The following PTCSC3 variants were observed in gnomAD, a reference collection of about 807,000 sequenced individuals.
PTCSC3 encodes the protein papillary thyroid carcinoma susceptibility candidate 3, also known as papillary thyroid carcinoma susceptibility candidate 3 (non-protein coding).
chr14:36,143,610 C>T (rs1881480031), intron 3 of PTCSC3, among the ~76,000 whole-genome samples: 1 of 149,038 alleles, frequency 6.7e-6, no homozygotes, highest in East Asian at 2.0e-4. Flanking sequence ...CTGTAGGTTG[C>T]CTGTTCACTC....
At chr14:36,153,819 C>T in exon 3 of PTCSC3, 1 of 152,008 alleles carries the variant, frequency 6.6e-6, no homozygotes, top group East Asian at 1.9e-4. Context: ...ATTCCAGTGC[C>T]TTGGGAGGCC....
rs1432807173 is a variant in PTCSC3, at chr14:36,157,616, C to A, written n.232-3722G>T. ...GTTTCAGTTTTCTGCGTATGGCTAG[C>A]CAGTTTTCCCAACACCATTTATTAA... is the stretch of plus-strand genomic sequence containing the variant. On this transcript the variant is annotated intron_variant and non_coding_transcript_variant, in intron 2 of 3. Transcript: ENST00000556013. Among the ~76,000 whole-genome samples, 5 of 152,214 alleles carry A rather than the reference C, an allele frequency of 3.3e-5. No homozygotes were observed. In the East Asian group the frequency reaches 5.8e-4, roughly 18 times the overall value.
At chr14:36,166,887 C>T (rs951938112) in intron 1 of PTCSC3, among the ~76,000 whole-genome samples, 6 of 152,176 alleles carry the variant, frequency 3.9e-5, no homozygotes, top group African/African-American at 1.4e-4. Context: ...GTTAAAAGTG[C>T]AGTTCTCCTA....
Position 36,163,475 on chromosome 14 carries a change from G to GAGGGAGGGAGGAAGAA in PTCSC3, n.172-808_172-793dup, listed in dbSNP as rs373113224. On this transcript the variant is annotated intron_variant and non_coding_transcript_variant, in intron 1 of 3. Coordinates refer to ENST00000556013, the Ensembl canonical transcript of PTCSC3. ...TAAGGAACTAAAGAAAGGAAGGAGA[G>GAGGGAGGGAGGAAGAA]AGGGAGGGAGGAAGAAAGGAAGGGA... 2.3e-3 allele frequency among the ~76,000 whole-genome samples: 350 copies of GAGGGAGGGAGGAAGAA among 152,046 alleles called. 3 individuals are homozygous for GAGGGAGGGAGGAAGAA. The highest frequency in any genetic ancestry group is 7.9e-3 in the African/African-American group (329 of 41,458).
In PTCSC3 at chr14:36,165,081, T is replaced by G. The variant is rs145696450; in HGVS notation, n.172-2398A>C. On this transcript the variant is annotated intron_variant and non_coding_transcript_variant, in intron 1 of 3. Transcript: ENST00000556013. ...AGAGCCGCAGTGGTCCATTGACTAC[T>G]TCTCACAGCTGACGAGTGAATATTC... is the stretch of plus-strand genomic sequence containing the variant. The G allele has an allele frequency of 9.1e-3, 1,393 of 152,454 alleles. 49 individuals carry two copies. The highest frequency in any genetic ancestry group is 0.068 in the Admixed American group (1,036 of 15,294). 9.4% of individuals were successfully genotyped at this position (152,454 alleles called of 1,614,324 possible).
chr14:36,170,622 G>A (rs552117002), intron 1 of PTCSC3, among the ~76,000 whole-genome samples: 25 of 152,112 alleles, frequency 1.6e-4, no homozygotes, highest in Non-Finnish European at 3.1e-4. Flanking sequence ...TTAATTCACC[G>A]GAAAGTGCCA....
At chr14:36,162,023 C>T (rs1336655643) in intron 2 of PTCSC3, among the ~76,000 whole-genome samples, 1 of 152,130 alleles carries the variant, frequency 6.6e-6, no homozygotes, top group African/African-American at 2.4e-5. Flanking sequence ...GTAAAACCGC[C>T]TACTCACACC....
At chr14:36,163,957 A>G (rs1882031516) in intron 1 of PTCSC3, among the ~76,000 whole-genome samples, 1 of 152,228 alleles carries the variant, frequency 6.6e-6, no homozygotes. Flanking sequence ...AAATTCATTT[A>G]TAACAACAGA....
At chr14:36,173,417 A>G (rs192184630) in intron 1 of PTCSC3, among the ~76,000 whole-genome samples, 1 of 152,260 alleles carries the variant, frequency 6.6e-6, no homozygotes, top group East Asian at 1.9e-4. Flanking sequence ...CTCTGAGACT[A>G]GACTCTGAGC....
rs1472606939 is a variant in PTCSC3, at chr14:36,167,030, T to C, written n.172-4347A>G. On this transcript the variant is annotated intron_variant and non_coding_transcript_variant, in intron 1 of 3. Coordinates refer to ENST00000556013, the Ensembl canonical transcript of PTCSC3. ...GATGATAGAGGCTATACCATAATCTTTCTCTCTCTGGGATAGAATGACTTT... is the reference window on the plus strand; with the variant it reads ...GATGATAGAGGCTATACCATAATCTCTCTCTCTCTGGGATAGAATGACTTT... Among the ~76,000 whole-genome samples, 3 of 152,216 alleles carry C rather than the reference T, an allele frequency of 2.0e-5. No individual in the cohort carries two copies. The East Asian group carries it at 5.8e-4, about 29-fold the overall frequency.
intron 1 of PTCSC3, among the ~76,000 whole-genome samples, chr14:36,163,485 G>A (rs1212663690): frequency 2.0e-5 from 3 of 151,758 alleles, no homozygotes; most frequent in African/African-American, 7.3e-5. Context: ...GAGGGAGGGA[G>A]GAAGAAAGGA....
chr14:36,171,553 C>A (rs545431353), intron 1 of PTCSC3, among the ~76,000 whole-genome samples: 1 of 152,264 alleles, frequency 6.6e-6, no homozygotes, highest in East Asian at 1.9e-4. Context: ...TTATTCTGAA[C>A]AATCTAATTG....
chr14:36,166,417 A>T (rs1276015525), intron 1 of PTCSC3, among the ~76,000 whole-genome samples: 1 of 152,226 alleles, frequency 6.6e-6, no homozygotes, highest in East Asian at 1.9e-4. Context: ...AAGTGAAAAC[A>T]CACTAATAGA....
intron 2 of PTCSC3, among the ~76,000 whole-genome samples, chr14:36,155,434 G>T (rs1881807013): frequency 6.6e-6 from 1 of 151,948 alleles, no homozygotes; most frequent in South Asian, 2.1e-4. Flanking sequence ...GTTCTTTAAT[G>T]CATACACTCT....
At chr14:36,164,462 G>A (rs1882042153) in intron 1 of PTCSC3, among the ~76,000 whole-genome samples, 1 of 152,152 alleles carries the variant, frequency 6.6e-6, no homozygotes, top group Non-Finnish European at 1.5e-5. Flanking sequence ...TTGCATTTAT[G>A]TGTTATTTTC....
downstream of PTCSC3, chr14:36,136,091 G>A (rs1199565978): frequency 6.6e-6 from 1 of 152,204 alleles, no homozygotes; most frequent in Admixed American, 6.5e-5. Flanking sequence ...ATGGGAGAAA[G>A]ATGTAGGCTC....
At chr14:36,162,117 C>T (rs538509574) in intron 2 of PTCSC3, among the ~76,000 whole-genome samples, 3 of 152,110 alleles carry the variant, frequency 2.0e-5, no homozygotes, top group Non-Finnish European at 4.4e-5. Flanking sequence ...CTGAGAATTT[C>T]AAGCCAGTGG....
chr14:36,174,548 G>T (rs1175564825), intron 1 of PTCSC3, among the ~76,000 whole-genome samples: 1 of 152,002 alleles, frequency 6.6e-6, no homozygotes, highest in Non-Finnish European at 1.5e-5. Context: ...AGATAGTCTA[G>T]ATTCTGTAGT....
intron 2 of PTCSC3, among the ~76,000 whole-genome samples, chr14:36,156,430 T>C (rs1881826885): frequency 6.6e-6 from 1 of 151,090 alleles, no homozygotes; most frequent in Admixed American, 6.6e-5. Flanking sequence ...TTGTCACTCA[T>C]CTTCATTCAT....
Sources: allele counts gnomAD v4.1 joint callset (sites outside exome capture counted in the v4.1 genomes callset), GRCh38; gene constraint gnomAD v4.1.1; transcripts MANE v1.5; gene names NCBI Gene and HGNC (gene_info 2026-07-23, HGNC 2026-07-21).